The following NR3C2 variants were observed in gnomAD, a reference collection of about 807,000 sequenced individuals.
NR3C2 encodes the protein nuclear receptor subfamily 3 group C member 2.
Under a neutral mutation model 86.4 loss-of-function variants are expected in NR3C2, and 15 were observed. The observed-to-expected ratio is 0.17, with a 90% confidence interval of 0.12 to 0.27. NR3C2 has a LOEUF of 0.27. Among genes scored for constraint, NR3C2 ranks in the 10% least tolerant of loss-of-function variants. The pLI, the probability that NR3C2 is intolerant of heterozygous loss-of-function variation, is 1.00. For synonymous variants in NR3C2, 458 were observed against 450.5 expected (o/e 1.02, Z -0.21); for missense variants, 960 against 1,195.6 (o/e 0.80, Z 2.91).
chr4:148,101,975 G>A (rs1288834717), intron 8 of NR3C2, among the ~76,000 whole-genome samples: 3 of 152,052 alleles, frequency 2.0e-5, no homozygotes, highest in South Asian at 2.1e-4. Context: ...GCCTTGAGTC[G>A]ATCCACTATT....
intron 6 of NR3C2, among the ~76,000 whole-genome samples, chr4:148,143,323 G>C (rs1010904697): frequency 6.6e-6 from 1 of 152,190 alleles, no homozygotes; most frequent in Non-Finnish European, 1.5e-5. Flanking sequence ...ATTATTTTAA[G>C]TACCACTTTT....
intron 2 of NR3C2, among the ~76,000 whole-genome samples, chr4:148,276,604 A>T (rs1740972931): frequency 6.6e-6 from 1 of 152,208 alleles, no homozygotes; most frequent in Admixed American, 6.5e-5. Flanking sequence ...TTGTCTGATA[A>T]CAACAGTTAC....
chr4:148,141,883 G>A lies in NR3C2; in HGVS notation c.2510+10586C>T, dbSNP rs140384598. 2.8e-4 allele frequency among the ~76,000 whole-genome samples: 42 copies of A among 152,266 alleles called. 1 individual carries two copies. The East Asian group carries it at 8.1e-3, about 29-fold the overall frequency. On this transcript the variant is annotated intron_variant, in intron 6 of 8. Coordinates refer to ENST00000358102, the MANE Select transcript of NR3C2 (RefSeq NM_000901.5). Reference sequence around the variant, plus strand: ...CAACCTGAAACCATCCCCACACCCTGCCAGGTCTGTGGAAAATTGTCTTCC... The same window carrying A: ...CAACCTGAAACCATCCCCACACCCTACCAGGTCTGTGGAAAATTGTCTTCC...
chr4:148,228,468 G>A (rs1738292180), intron 3 of NR3C2, among the ~76,000 whole-genome samples: 1 of 152,110 alleles, frequency 6.6e-6, no homozygotes, highest in Admixed American at 6.6e-5. Context: ...CAATAAAAAA[G>A]CAAAGCTGCA....
chr4:148,226,324 G>A (rs1738160017), intron 3 of NR3C2, among the ~76,000 whole-genome samples: 1 of 152,142 alleles, frequency 6.6e-6, no homozygotes, highest in Non-Finnish European at 1.5e-5. Flanking sequence ...CAGTCACATA[G>A]TTTGGTTTTT....
intron 8 of NR3C2, among the ~76,000 whole-genome samples, chr4:148,095,258 C>T (rs377374449): frequency 5.9e-5 from 9 of 152,332 alleles, no homozygotes; most frequent in African/African-American, 1.2e-4. Context: ...GGAAGCTGCC[C>T]GCTTGTGCCC....
At position 148,290,217 on chromosome 4, in the gene NR3C2, T is replaced by C. The variant is rs369446963; in HGVS notation, c.1758-30100A>G. On this transcript the variant is annotated intron_variant, in intron 2 of 8. Coordinates refer to ENST00000358102, the MANE Select transcript of NR3C2 (RefSeq NM_000901.5). ...AGGATGCACATGGCTGTATCCAAAT[T>C]TCCTCTTCTGCTAAGCACTTCAGCC... Among the ~76,000 whole-genome samples the C allele has an allele frequency of 2.6e-5, 4 of 152,300 alleles. No individual in the cohort carries two copies. The East Asian group carries it at 5.8e-4, about 22-fold the overall frequency.
At position 148,260,078 on chromosome 4, in the gene NR3C2, A is replaced by G; in HGVS notation, c.1797T>C (p.Pro599=). The G allele has an allele frequency of 6.2e-7, 1 of 1,614,060 alleles. No homozygotes were observed. Among genetic ancestry groups the G allele is most frequent in the Non-Finnish European group, 8.5e-7 (1 of 1,179,980 alleles). The change falls in exon 3 of 9, where the codon CCT becomes CCC. Residue 599 remains proline (P), a synonymous_variant. Coordinates refer to ENST00000358102, the MANE Select transcript of NR3C2 (RefSeq NM_000901.5). ...LRSVSTGSSR[P]SKICLVCGDE... ...CCCCACACACCAAACATATTTTTGAAGGTCTTGAAGATCCAGTAGAAACAC... is the reference window on the plus strand; with the variant it reads ...CCCCACACACCAAACATATTTTTGAGGGTCTTGAAGATCCAGTAGAAACAC...
At chr4:148,188,146 T>C (rs1736024265) in intron 4 of NR3C2, among the ~76,000 whole-genome samples, 1 of 152,212 alleles carries the variant, frequency 6.6e-6, no homozygotes, top group Non-Finnish European at 1.5e-5. Flanking sequence ...AATCAGGTAA[T>C]GGGATGTCTC....
chr4:148,424,214 T>C lies in NR3C2; in HGVS notation c.1757+10890A>G, dbSNP rs145884441. Reference sequence around the variant, plus strand: ...AAGATGTTTGGTGTCTTTAAGATATTAGGAAATGCCAATTTAAACCACAAT... The same window carrying C: ...AAGATGTTTGGTGTCTTTAAGATATCAGGAAATGCCAATTTAAACCACAAT... On this transcript the variant is annotated intron_variant, in intron 2 of 8. Transcript: ENST00000358102. Among the ~76,000 whole-genome samples, 12 of 152,270 alleles carry C rather than the reference T, an allele frequency of 7.9e-5. No individual in the cohort carries two copies. The East Asian group carries it at 2.1e-3, about 27-fold the overall frequency.
chr4:148,144,800 T>C (rs952025613), intron 6 of NR3C2, among the ~76,000 whole-genome samples: 1 of 152,146 alleles, frequency 6.6e-6, no homozygotes, highest in African/African-American at 2.4e-5. Flanking sequence ...CATTCTGGAG[T>C]GCTTCTGCCC....
At chr4:148,356,768 A>G (rs1277134380) in intron 2 of NR3C2, among the ~76,000 whole-genome samples, 2 of 152,206 alleles carry the variant, frequency 1.3e-5, no homozygotes, top group Non-Finnish European at 2.9e-5. Flanking sequence ...ATAAAAATTC[A>G]CTTTCCCACA....
intron 2 of NR3C2, among the ~76,000 whole-genome samples, chr4:148,425,552 G>A (rs1749489401): frequency 6.6e-6 from 1 of 152,192 alleles, no homozygotes; most frequent in East Asian, 1.9e-4. Context: ...CCAAAAGGAA[G>A]GGGGCTTGGT....
At chr4:148,393,206 G>A (rs1439583913) in intron 2 of NR3C2, among the ~76,000 whole-genome samples, 1 of 152,140 alleles carries the variant, frequency 6.6e-6, no homozygotes, top group African/African-American at 2.4e-5. Flanking sequence ...AAATGTGAAC[G>A]CACCTGACAT....
chr4:148,135,718 C>A (rs1219899173), intron 6 of NR3C2, among the ~76,000 whole-genome samples: 1 of 151,950 alleles, frequency 6.6e-6, no homozygotes, highest in Non-Finnish European at 1.5e-5. Context: ...TTAGGAGCAA[C>A]CATCTCAAAG....
chr4:148,148,237 G>C (rs1226767204), intron 6 of NR3C2, among the ~76,000 whole-genome samples: 1 of 152,126 alleles, frequency 6.6e-6, no homozygotes, highest in Non-Finnish European at 1.5e-5. Context: ...AGGCTTGGAA[G>C]TCTTCCTAGA....
At chr4:148,318,022 C>A (rs1276300234) in intron 2 of NR3C2, among the ~76,000 whole-genome samples, 11 of 118,518 alleles carry the variant, frequency 9.3e-5, no homozygotes, top group Admixed American at 3.9e-4. Flanking sequence ...CTATCCCTCC[C>A]CCCTCCCCCC....
intron 2 of NR3C2, among the ~76,000 whole-genome samples, chr4:148,413,095 A>G (rs1049360812): frequency 6.6e-6 from 1 of 152,212 alleles, no homozygotes; most frequent in African/African-American, 2.4e-5. Flanking sequence ...GAACCTCAAA[A>G]CCAAATAAGA....
rs543677604 is a variant in NR3C2, at chr4:148,264,608, C to T, written c.1758-4491G>A. On this transcript the variant is annotated intron_variant, in intron 2 of 8. Coordinates refer to ENST00000358102, the MANE Select transcript of NR3C2 (RefSeq NM_000901.5). ...CTAGCTCTGCCATTAACTGGTGAAACCTTTGCAAAATCACCTCTCCTCTCT... is the reference window on the plus strand; with the variant it reads ...CTAGCTCTGCCATTAACTGGTGAAATCTTTGCAAAATCACCTCTCCTCTCT... Among the ~76,000 whole-genome samples, 8 of 152,162 alleles carry T rather than the reference C, an allele frequency of 5.3e-5. No homozygotes were observed. The East Asian group carries it at 1.5e-3, about 29-fold the overall frequency.
Sources: gnomAD v4.1 joint callset for allele counts (sites outside exome capture counted in the v4.1 genomes callset) on GRCh38, gnomAD v4.1.1 for gene constraint, MANE v1.5 for transcripts, NCBI Gene and HGNC (gene_info 2026-07-23, HGNC 2026-07-21) for gene names.